ANAPC10: variants seen among roughly 807,000 people sequenced by gnomAD.
The protein encoded by ANAPC10 is anaphase promoting complex subunit 10.
ANAPC10 carries 12 observed loss-of-function variants against 22.0 expected under a neutral mutation model. The ratio of observed to expected loss-of-function variants is 0.55; its 90% confidence interval spans 0.35 to 0.88. The LOEUF is 0.88. Ranked by LOEUF, ANAPC10 falls within the 40% of genes least tolerant of loss-of-function variation. The pLI is 0.01. For synonymous variants in ANAPC10, 65 were observed against 69.5 expected, an observed-to-expected ratio of 0.94 and a Z score of 0.32; for missense variants, 188 against 220.9, an observed-to-expected ratio of 0.85 and a Z score of 0.94.
intron 4 of ANAPC10, among the ~76,000 whole-genome samples, chr4:144,997,279 A>G (rs769210126): frequency 2.0e-4 from 30 of 152,204 alleles, no homozygotes; most frequent in Non-Finnish European, 3.8e-4. Context: ...ACCAAGATAC[A>G]TACTTGTCAG....
At chr4:145,072,891 C>T (rs138901977) in intron 3 of ANAPC10, among the ~76,000 whole-genome samples, 54 of 150,852 alleles carry the variant, frequency 3.6e-4, no homozygotes, top group African/African-American at 1.1e-3. Flanking sequence ...GTATCTATTA[C>T]GTATCTGTTT....
chr4:145,042,778 C>A (rs1224352606), intron 4 of ANAPC10, among the ~76,000 whole-genome samples: 1 of 151,836 alleles, frequency 6.6e-6, no homozygotes, highest in African/African-American at 2.4e-5. Context: ...TTCACACAAG[C>A]ATACTGCAGA....
chr4:145,020,165 C>T (rs1031795672), intron 4 of ANAPC10, among the ~76,000 whole-genome samples: 2 of 152,110 alleles, frequency 1.3e-5, no homozygotes, highest in East Asian at 3.8e-4. Context: ...CCCTGATGAA[C>T]ATAAATGCTA....
Position 145,035,755 on chromosome 4 carries a change from C to T in ANAPC10, c.327+28817G>A, listed in dbSNP as rs112953639. On this transcript the variant is annotated intron_variant, in intron 4 of 4. Transcript: ENST00000507656. ...TCAACTTCCTGCCCTATGGACTTCACGCTCATCTGTTTACATCAGATGTGA... is the reference window on the plus strand; with the variant it reads ...TCAACTTCCTGCCCTATGGACTTCATGCTCATCTGTTTACATCAGATGTGA... Among the ~76,000 whole-genome samples, 90 of 152,282 alleles carry T rather than the reference C, an allele frequency of 5.9e-4. 2 individuals carry two copies. Among genetic ancestry groups the T allele is most frequent in the African/African-American group, 1.8e-3 (76 of 41,554 alleles).
At chr4:145,014,742 A>T (rs573320947) in intron 4 of ANAPC10, among the ~76,000 whole-genome samples, 1 of 152,290 alleles carries the variant, frequency 6.6e-6, no homozygotes, top group South Asian at 2.1e-4. Flanking sequence ...AGAGACCCAC[A>T]GACGGTTCAC....
chr4:145,002,336 C>G (rs1157733577), intron 4 of ANAPC10, among the ~76,000 whole-genome samples: 3 of 152,054 alleles, frequency 2.0e-5, no homozygotes, highest in African/African-American at 4.8e-5. Flanking sequence ...GACTCCAACT[C>G]AAAAGGCTCA....
intron 4 of ANAPC10, among the ~76,000 whole-genome samples, chr4:145,031,427 T>C (rs1416785735): frequency 2.0e-5 from 3 of 152,128 alleles, no homozygotes; most frequent in Non-Finnish European, 4.4e-5. Flanking sequence ...CCTTCTAAGG[T>C]GAAGGATAAG....
chr4:145,023,835 CAAT>C (rs1736291020), intron 4 of ANAPC10, among the ~76,000 whole-genome samples: 1 of 152,058 alleles, frequency 6.6e-6, no homozygotes, highest in Admixed American at 6.6e-5. Flanking sequence ...AATAAGACAA[CAAT>C]GATGGTTGCC....
In ANAPC10 at chr4:145,065,975, C is replaced by T. The variant is rs573411746; in HGVS notation, c.207-1283G>A. 2.0e-5 allele frequency among the ~76,000 whole-genome samples: 3 copies of T among 150,696 alleles called. No homozygotes were observed. The South Asian group carries it at 6.3e-4, about 32-fold the overall frequency. On this transcript the variant is annotated intron_variant, in intron 3 of 4. Coordinates refer to ENST00000507656, the MANE Select transcript of ANAPC10 (RefSeq NM_001256706.2). ...GAATGAGCATGTGCTATTTGGCCAC[C>T]AGGAAAAAAAAAATCTAGGTGATTT...
intron 4 of ANAPC10, among the ~76,000 whole-genome samples, chr4:145,034,523 T>TTATATATATATA (rs370113295): frequency 0.028 from 2,588 of 90,896 alleles, 41 homozygotes; most frequent in East Asian, 0.038. Context: ...AAACTCTCCT[T>TTATATATATATA]TATATATATA....
At chr4:145,068,102 C>T (rs533117446) in intron 3 of ANAPC10, among the ~76,000 whole-genome samples, 1 of 152,332 alleles carries the variant, frequency 6.6e-6, no homozygotes, top group African/African-American at 2.4e-5. Context: ...CACAAACACA[C>T]TGTGAGGCTG....
intron 4 of ANAPC10, among the ~76,000 whole-genome samples, chr4:145,029,641 A>G (rs776207303): frequency 2.0e-5 from 3 of 152,188 alleles, no homozygotes; most frequent in Non-Finnish European, 4.4e-5. Context: ...AGGAGTTAAA[A>G]AAGGTTCTAA....
chr4:145,007,454 GCAA>G (rs1188548511), intron 4 of ANAPC10, among the ~76,000 whole-genome samples: 3 of 150,806 alleles, frequency 2.0e-5, no homozygotes, highest in African/African-American at 7.4e-5. Context: ...AGACCACAAT[GCAA>G]TCAAATCACA....
At chr4:145,077,310 G>A (rs986417911) in intron 3 of ANAPC10, among the ~76,000 whole-genome samples, 2 of 152,130 alleles carry the variant, frequency 1.3e-5, no homozygotes, top group Admixed American at 6.5e-5. Context: ...ACAACTCATT[G>A]GGGTCCCTGA....
At chr4:145,070,919 TATATC>T (rs1189090545) in intron 3 of ANAPC10, among the ~76,000 whole-genome samples, 1 of 152,172 alleles carries the variant, frequency 6.6e-6, no homozygotes, top group African/African-American at 2.4e-5. Flanking sequence ...TAATTCCACT[TATATC>T]AGGTCCCCAG....
At chr4:145,022,972 C>T (rs1264182563) in intron 4 of ANAPC10, among the ~76,000 whole-genome samples, 1 of 151,960 alleles carries the variant, frequency 6.6e-6, no homozygotes, top group African/African-American at 2.4e-5. Flanking sequence ...GTGCTGCACC[C>T]ATTAACTCGT....
At chr4:145,044,399 G>A (rs994462416) in intron 4 of ANAPC10, among the ~76,000 whole-genome samples, 3 of 152,034 alleles carry the variant, frequency 2.0e-5, no homozygotes, top group Admixed American at 1.3e-4. Context: ...CAAAAAATGT[G>A]TGTTTCTCTC....
intron 4 of ANAPC10, among the ~76,000 whole-genome samples, chr4:144,995,906 CAT>C (rs1731534566): frequency 6.6e-6 from 1 of 152,190 alleles, no homozygotes; most frequent in Non-Finnish European, 1.5e-5. Context: ...CTAGAAAGTA[CAT>C]GTCTCACAAC....
At chr4:145,016,014 T>C (rs536101299) in intron 4 of ANAPC10, among the ~76,000 whole-genome samples, 35 of 152,232 alleles carry the variant, frequency 2.3e-4, no homozygotes, top group African/African-American at 8.2e-4. Context: ...GCCAATATCA[T>C]ACTGAATGGG....
Sources: allele counts gnomAD v4.1 joint callset (sites outside exome capture counted in the v4.1 genomes callset), GRCh38; gene constraint gnomAD v4.1.1; transcripts MANE v1.5; gene names NCBI Gene and HGNC (gene_info 2026-07-23, HGNC 2026-07-21).